Variants in VCAN observed in about 807,000 individuals in gnomAD.
VCAN encodes versican.
VCAN carries 44 observed loss-of-function variants against 245.5 expected under a neutral mutation model. The observed-to-expected ratio is 0.18, with a 90% CI of 0.14 to 0.23. The LOEUF (loss-of-function observed/expected upper bound fraction) is 0.23. Ranked by LOEUF, VCAN falls within the 10% of genes least tolerant of loss-of-function variation. The pLI, the probability that VCAN is intolerant of heterozygous loss-of-function variation, is 1.00. For missense variants in VCAN, 3,793 were observed against 4,057.9 expected, an observed-to-expected ratio of 0.93 and a Z score of 1.77; for synonymous variants, 1,413 against 1,437.0, an observed-to-expected ratio of 0.98 and a Z score of 0.38.
chr5:83,517,903 G>A (rs1245319084), intron 6 of VCAN, among the ~76,000 whole-genome samples: 1 of 152,058 alleles, frequency 6.6e-6, no homozygotes, highest in African/African-American at 2.4e-5. Context: ...AACAGCTCGT[G>A]CCAGACAAAA....
chr5:83,555,250 AG>A (rs1188147881), intron 12 of VCAN, among the ~76,000 whole-genome samples: 32 of 152,322 alleles, frequency 2.1e-4, no homozygotes, highest in Non-Finnish European at 3.8e-4. Flanking sequence ...TCTTCAAAAG[AG>A]GAGTGTACCA....
At position 83,582,104 on chromosome 5, in the gene VCAN, A is replaced by C. The variant is rs1748696098; in HGVS notation, c.*1670A>C. Reference sequence around the variant, plus strand: ...ACCTTTAGGTATTTTAGAGCACAGAACAACACTGTGTTGATCTAGTAGGTT... The same window carrying C: ...ACCTTTAGGTATTTTAGAGCACAGACCAACACTGTGTTGATCTAGTAGGTT... On this transcript the variant is annotated 3_prime_UTR_variant, in exon 15 of 15. Transcript: ENST00000265077. 6.6e-6 allele frequency: 1 copy of C among 151,522 alleles called. No homozygotes were observed. The highest frequency in any genetic ancestry group is 1.5e-5 in the Non-Finnish European group (1 of 67,914). The allele number at this position is 151,522 out of a possible 1,614,324, so 9.4% of individuals were successfully genotyped here.
At position 83,557,737 on chromosome 5, in the gene VCAN, C is replaced by G. The variant is rs956044529; in HGVS notation, c.9735+2699C>G. 5.7e-4 allele frequency among the ~76,000 whole-genome samples: 86 copies of G among 152,122 alleles called. 1 individual carries two copies. The highest frequency in any genetic ancestry group is 4.7e-3 in the Admixed American group (72 of 15,246). On this transcript the variant is annotated intron_variant, in intron 12 of 14. Transcript: ENST00000265077. ...ATTGATTTCCCTCTGAAATTTTGCTCTGAAACTTCCAGAGGAAGATAACAT... is the reference window on the plus strand; with the variant it reads ...ATTGATTTCCCTCTGAAATTTTGCTGTGAAACTTCCAGAGGAAGATAACAT...
chr5:83,553,516 G>A lies in VCAN; in HGVS notation c.9646G>A (p.Val3216Ile), dbSNP rs1247813513. Residue 3216 changes from valine (V) to isoleucine (I), a missense_variant, in exon 11 of 15, where the codon GTT (valine) becomes ATT (isoleucine). Physicochemically the swap from Val to Ile is conservative, Grantham distance 29 (BLOSUM62 3). This residue lies in a region of VCAN where 205 missense variants were observed against 321.1 expected (regional missense o/e 0.64). Transcript: ENST00000265077. The part of the protein sequence containing the change: ...SILSHEEQMF[V>I]NRVGHDYQWI... ...CCTGTCTCACGAAGAACAAATGTTT[G>A]TTAATCGTATGTACCAAATAGATAC... 6.2e-7 allele frequency: 1 copy of A among 1,614,052 alleles called. No homozygotes were observed.
chr5:83,476,848 C>T (rs1744410640), intron 1 of VCAN, among the ~76,000 whole-genome samples: 1 of 152,068 alleles, frequency 6.6e-6, no homozygotes, highest in Non-Finnish European at 1.5e-5. Context: ...GATTTACCAA[C>T]TATAAAAGGA....
intron 10 of VCAN, among the ~76,000 whole-genome samples, chr5:83,551,908 A>G (rs1470625715): frequency 1.3e-5 from 2 of 152,168 alleles, no homozygotes; most frequent in Non-Finnish European, 2.9e-5. Context: ...ACTGAGTGCT[A>G]CTTTTATACC....
intron 12 of VCAN, among the ~76,000 whole-genome samples, chr5:83,567,260 C>T (rs1436375988): frequency 6.6e-6 from 1 of 151,698 alleles, no homozygotes; most frequent in Admixed American, 6.6e-5. Flanking sequence ...GAAAAATTTA[C>T]ATCTGAGTTG....
At chr5:83,560,551 G>C (rs1412800218) in intron 12 of VCAN, among the ~76,000 whole-genome samples, 1 of 152,062 alleles carries the variant, frequency 6.6e-6, no homozygotes, top group Non-Finnish European at 1.5e-5. Context: ...GAACGTTATG[G>C]AATCATTTAT....
intron 12 of VCAN, among the ~76,000 whole-genome samples, chr5:83,558,133 T>G (rs1747739850): frequency 6.6e-6 from 1 of 152,136 alleles, no homozygotes; most frequent in Non-Finnish European, 1.5e-5. Flanking sequence ...CTCTATCCTT[T>G]TCCTCTCTGA....
Position 83,538,259 on chromosome 5 carries a change from A to G in VCAN, c.5256A>G (p.Leu1752=). 1 of 1,614,038 alleles carries G rather than the reference A, an allele frequency of 6.2e-7. No homozygotes were observed. Among genetic ancestry groups the G allele is most frequent in the Non-Finnish European group, 8.5e-7 (1 of 1,179,980 alleles). The part of the protein sequence containing the change: ...SSTQRSDQLI[L]PFELESPNVA... ...CACAGAGATCGGATCAATTAATTTTACCCTTTGAATTAGAAAGTCCAAATG... is the reference window on the plus strand; with the variant it reads ...CACAGAGATCGGATCAATTAATTTTGCCCTTTGAATTAGAAAGTCCAAATG... The change falls in exon 8 of 15, where the codon TTA becomes TTG. Residue 1752 remains leucine (L), a synonymous_variant. Coordinates refer to ENST00000265077, the MANE Select transcript of VCAN (RefSeq NM_004385.5).
intron 5 of VCAN, among the ~76,000 whole-genome samples, chr5:83,509,918 G>C (rs574250342): frequency 6.6e-6 from 1 of 152,286 alleles, no homozygotes; most frequent in Non-Finnish European, 1.5e-5. Flanking sequence ...TTTATTTAAT[G>C]TGCTGTTGGG....
At chr5:83,481,922 C>T (rs1423908977) in intron 1 of VCAN, among the ~76,000 whole-genome samples, 1 of 152,146 alleles carries the variant, frequency 6.6e-6, no homozygotes, top group Non-Finnish European at 1.5e-5. Flanking sequence ...TCAGCATTAG[C>T]TTGTTTTCAA....
chr5:83,576,989 G>C (rs966724667), intron 13 of VCAN, among the ~76,000 whole-genome samples: 2 of 151,978 alleles, frequency 1.3e-5, no homozygotes, highest in Non-Finnish European at 2.9e-5. Context: ...AATTTTATAT[G>C]TTGCAAATAT....
chr5:83,548,154 A>G, intron 10 of VCAN, 70 bp downstream of exon 10: 1 of 1,150,968 alleles, frequency 8.7e-7, no homozygotes, highest in Non-Finnish European at 1.3e-6. Flanking sequence ...GCCTCAATGC[A>G]TAATCTTTCC....
chr5:83,545,154 A>G, intron 8 of VCAN: 2 of 291,498 alleles, frequency 6.9e-6, no homozygotes, highest in Non-Finnish European at 1.3e-5. Context: ...GCCATTTCAC[A>G]TGAACTAACC....
intron 6 of VCAN, chr5:83,512,783 T>C (rs1745708778): frequency 6.1e-6 from 1 of 164,982 alleles, no homozygotes; most frequent in Non-Finnish European, 1.3e-5. Context: ...GATTTTGTCT[T>C]CGGTATCACT....
At chr5:83,530,391 A>G (rs902709707) in intron 7 of VCAN, among the ~76,000 whole-genome samples, 2 of 152,092 alleles carry the variant, frequency 1.3e-5, no homozygotes, top group Non-Finnish European at 1.5e-5. Context: ...CTTCTTTCTT[A>G]ATAGCTCTTA....
rs182026557 is a variant in VCAN at position 83,507,804 on chromosome 5, A to G, written c.749-4299A>G. Among the ~76,000 whole-genome samples the G allele has an allele frequency of 3.3e-3, 501 of 152,344 alleles. 2 individuals carry two copies. The highest frequency in any genetic ancestry group is 0.012 in the African/African-American group (480 of 41,578). Reference sequence around the variant, plus strand: ...TTACAACATATAATTTGACTTATAAATAATTCCTGACTATGGGTTTAAAGA... The same window carrying G: ...TTACAACATATAATTTGACTTATAAGTAATTCCTGACTATGGGTTTAAAGA... On this transcript the variant is annotated intron_variant, in intron 5 of 14. Transcript: ENST00000265077.
At position 83,520,966 on chromosome 5, in the gene VCAN, C is replaced by T. The variant is rs1261180767; in HGVS notation, c.2660C>T (p.Thr887Ile). 6.2e-7 allele frequency: 1 copy of T among 1,614,114 alleles called. No homozygotes were observed. The highest frequency in any genetic ancestry group is 8.5e-7 in the Non-Finnish European group (1 of 1,179,984). Residue 887 changes from threonine to isoleucine, a missense_variant, in exon 7 of 15, where the codon ACA becomes ATA. Coordinates refer to ENST00000265077, the MANE Select transcript of VCAN (RefSeq NM_004385.5). ...TTCACAATTAGATTTCAGCCAACTA[C>T]ATCAACTGGTATTGCAGAAAAGTCA... The part of the protein sequence containing the change: ...GKFTIRFQPT[T>I]STGIAEKSTL...
Sources: gnomAD v4.1 joint callset for allele counts (sites outside exome capture counted in the v4.1 genomes callset) on GRCh38, gnomAD v4.1.1 for gene constraint, gnomAD v4.1.1 regional missense constraint, MANE v1.5 for transcripts, NCBI Gene and HGNC (gene_info 2026-07-23, HGNC 2026-07-21) for gene names.